DPY19L1: variants seen among roughly 807,000 people sequenced by gnomAD.
DPY19L1 encodes the protein dpy-19 like C-mannosyltransferase 1.
DPY19L1 carries 35 observed loss-of-function variants against 96.9 expected under a neutral mutation model. That is an observed-to-expected ratio of 0.36 (90% CI 0.28 to 0.48). The LOEUF (loss-of-function observed/expected upper bound fraction) is 0.48. DPY19L1 is among the 20% of genes least tolerant of loss of function. The pLI is 0.99. For synonymous variants in DPY19L1, 205 were observed against 252.6 expected (o/e 0.81, Z 1.79); for missense variants, 521 against 777.9 (o/e 0.67, Z 3.93).
chr7:35,002,279 A>AT (rs1171019664), intron 6 of DPY19L1, among the ~76,000 whole-genome samples: 2 of 152,200 alleles, frequency 1.3e-5, no homozygotes, highest in African/African-American at 4.8e-5. Flanking sequence ...ATAAAATACT[A>AT]TTTTTTAAAA....
intron 3 of DPY19L1, among the ~76,000 whole-genome samples, chr7:35,017,088 A>G (rs1460092691): frequency 6.6e-6 from 1 of 151,988 alleles, no homozygotes; most frequent in Admixed American, 6.6e-5. Flanking sequence ...AATGTTTTCC[A>G]GTATGTCTTG....
In DPY19L1 at chr7:34,982,092, CTGTT is replaced by C. The variant is rs545925290; in HGVS notation, c.822+7788_822+7791del. ...AATGCCATGAAAAAACAAAGAGAAACTGTTTGAGATAAACTTTTCCAAATAAAAT... is the reference window on the plus strand; with the variant it reads ...AATGCCATGAAAAAACAAAGAGAAACTGAGATAAACTTTTCCAAATAAAAT... On this transcript the variant is annotated intron_variant, in intron 7 of 21. Transcript: ENST00000638088. Among the ~76,000 whole-genome samples the C allele has an allele frequency of 2.2e-3, 331 of 152,272 alleles. 3 individuals are homozygous for C. The Middle Eastern group carries it at 0.037, about 17-fold the overall frequency.
intron 14 of DPY19L1, among the ~76,000 whole-genome samples, 164 bp from the exon 15 acceptor site, chr7:34,947,865 T>C (rs1236406713): frequency 6.6e-6 from 1 of 152,122 alleles, no homozygotes; most frequent in African/African-American, 2.4e-5. Flanking sequence ...TCCATAGAAA[T>C]GAACTTCCCC....
intron 1 of DPY19L1, among the ~76,000 whole-genome samples, chr7:35,036,458 T>C (rs771474810): frequency 2.0e-4 from 30 of 151,526 alleles, no homozygotes; most frequent in Non-Finnish European, 3.4e-4. Context: ...ATTTGGTAAA[T>C]GGCAGAGGGA....
At chr7:35,031,890 A>G (rs1357790662) in intron 1 of DPY19L1, among the ~76,000 whole-genome samples, 1 of 152,206 alleles carries the variant, frequency 6.6e-6, no homozygotes, top group Non-Finnish European at 1.5e-5. Context: ...GAAATTCTTT[A>G]AAATCCCAAA....
chr7:35,012,337 C>T (rs1173017728), intron 4 of DPY19L1, among the ~76,000 whole-genome samples: 1 of 152,138 alleles, frequency 6.6e-6, no homozygotes, highest in Admixed American at 6.5e-5. Flanking sequence ...TCATTCATCC[C>T]CCTTCAGGTG....
rs374691526 is a variant in DPY19L1, at chr7:34,941,740, G to A, written c.1689+25C>T. Reference sequence around the variant, plus strand: ...AATAAAGGCTAAAATTATCATAGTAGCTATACTCCAACATAACATGTTACC... The same window carrying A: ...AATAAAGGCTAAAATTATCATAGTAACTATACTCCAACATAACATGTTACC... On this transcript the variant is annotated intron_variant, in intron 18 of 21. Transcript: ENST00000638088. 53 of 1,597,316 alleles carry A rather than the reference G, an allele frequency of 3.3e-5. No individual in the cohort carries two copies. In the African/African-American group the frequency reaches 6.6e-4, roughly 20 times the overall value.
chr7:34,999,583 G>A (rs527951670), intron 6 of DPY19L1, among the ~76,000 whole-genome samples: 41 of 152,256 alleles, frequency 2.7e-4, no homozygotes, highest in Admixed American at 1.6e-3. Flanking sequence ...CAAGGGAATC[G>A]CTAAACGGAA....
chr7:34,946,005 G>A (rs926271462), intron 15 of DPY19L1, among the ~76,000 whole-genome samples: 8 of 152,204 alleles, frequency 5.3e-5, no homozygotes, highest in African/African-American at 1.7e-4. Context: ...AAGAAGCACT[G>A]CAGTCTTGAA....
At chr7:34,933,574 G>A (rs1467030156) in intron 21 of DPY19L1, among the ~76,000 whole-genome samples, 1 of 152,226 alleles carries the variant, frequency 6.6e-6, no homozygotes, top group Non-Finnish European at 1.5e-5. Context: ...TGGACTGGGA[G>A]AGGTTGACCC....
chr7:34,996,793 T>C (rs553302810), intron 6 of DPY19L1, among the ~76,000 whole-genome samples: 2 of 152,256 alleles, frequency 1.3e-5, no homozygotes, highest in African/African-American at 4.8e-5. Context: ...TCAACTCCTT[T>C]CACTATTCTT....
At chr7:34,988,368 C>T (rs1228418024) in intron 7 of DPY19L1, 2 of 151,896 alleles carry the variant, frequency 1.3e-5, no homozygotes, top group African/African-American at 4.8e-5. Context: ...ATCTGTGGCT[C>T]AAAGTGCTTC....
chr7:35,012,095 A>G (rs928786674), intron 4 of DPY19L1, among the ~76,000 whole-genome samples: 1 of 152,220 alleles, frequency 6.6e-6, no homozygotes, highest in African/African-American at 2.4e-5. Context: ...CTCCATGGGA[A>G]CTGCCCATGG....
At chr7:34,934,236 T>A (rs1309539384) in intron 21 of DPY19L1, among the ~76,000 whole-genome samples, 1 of 152,144 alleles carries the variant, frequency 6.6e-6, no homozygotes, top group African/African-American at 2.4e-5. Context: ...GTGCTGGGAT[T>A]ACAGGCGTGA....
chr7:34,963,375 C>T (rs1160015418), intron 10 of DPY19L1, among the ~76,000 whole-genome samples: 2 of 152,136 alleles, frequency 1.3e-5, no homozygotes, highest in African/African-American at 2.4e-5. Flanking sequence ...ACCTCGTGCA[C>T]TGTTTACAGG....
chr7:34,940,104 G>C (rs1342663732), intron 19 of DPY19L1, 49 bp downstream of exon 19: 1 of 1,429,354 alleles, frequency 7.0e-7, no homozygotes, highest in African/African-American at 1.5e-5. Context: ...AAAATTGTGG[G>C]AAAAACAGCT....
chr7:35,018,664 T>A (rs1313582788), intron 1 of DPY19L1, 68 bp from the exon 2 acceptor site: 107 of 1,390,638 alleles, frequency 7.7e-5, no homozygotes, highest in Non-Finnish European at 1.0e-4. Context: ...AAAAGCCATT[T>A]CAAAGATAAA....
intron 6 of DPY19L1, among the ~76,000 whole-genome samples, chr7:34,995,801 A>T (rs1369809469): frequency 6.6e-6 from 1 of 151,956 alleles, no homozygotes; most frequent in Non-Finnish European, 1.5e-5. Flanking sequence ...AAATTAAGAT[A>T]ATTTCCAATC....
intron 1 of DPY19L1, among the ~76,000 whole-genome samples, chr7:35,020,710 T>A (rs887782324): frequency 5.3e-5 from 8 of 152,216 alleles, no homozygotes; most frequent in African/African-American, 1.9e-4. Context: ...CTCCATTTTA[T>A]TGCATTTTAT....
Sources: gnomAD v4.1 joint callset for allele counts (sites outside exome capture counted in the v4.1 genomes callset) on GRCh38, gnomAD v4.1.1 for gene constraint, MANE v1.5 for transcripts, NCBI Gene and HGNC (gene_info 2026-07-23, HGNC 2026-07-21) for gene names.